UNC5D: variants seen among roughly 807,000 people sequenced by gnomAD.
The protein encoded by UNC5D is unc-5 netrin receptor D.
UNC5D carries 39 observed loss-of-function variants against 105.4 expected under a neutral mutation model. The observed-to-expected ratio is 0.37, with a 90% confidence interval of 0.29 to 0.48. UNC5D has a LOEUF of 0.48. Ranked by LOEUF, UNC5D falls within the 20% of genes least tolerant of loss-of-function variation. The pLI is 0.98. For missense variants in UNC5D, 991 were observed against 1,202.4 expected (o/e 0.82, Z 2.60); for synonymous variants, 452 against 450.4 (o/e 1.00, Z -0.04).
At chr8:35,677,377 G>A (rs983452402) in intron 4 of UNC5D, among the ~76,000 whole-genome samples, 2 of 152,086 alleles carry the variant, frequency 1.3e-5, no homozygotes, top group East Asian at 1.9e-4. Context: ...AGCAGTGCTC[G>A]TGGGGGTCTC....
At chr8:35,396,590 T>C (rs1002648472) in intron 1 of UNC5D, among the ~76,000 whole-genome samples, 1 of 152,016 alleles carries the variant, frequency 6.6e-6, no homozygotes, top group Non-Finnish European at 1.5e-5. Flanking sequence ...CTGTGTCTCC[T>C]GGGTTCAAGT....
At chr8:35,762,501 A>G (rs1040424457) in intron 14 of UNC5D, among the ~76,000 whole-genome samples, 1 of 152,180 alleles carries the variant, frequency 6.6e-6, no homozygotes, top group Non-Finnish European at 1.5e-5. Flanking sequence ...CCACGATGCT[A>G]GTCTCCCCAA....
intron 12 of UNC5D, among the ~76,000 whole-genome samples, chr8:35,749,729 A>G (rs1012653991): frequency 7.2e-5 from 11 of 152,026 alleles, no homozygotes; most frequent in Non-Finnish European, 1.6e-4. Context: ...CTTTGCTTTG[A>G]TTTTTGCCAC....
At chr8:35,497,753 G>A (rs1000814112) in intron 1 of UNC5D, among the ~76,000 whole-genome samples, 2 of 151,954 alleles carry the variant, frequency 1.3e-5, no homozygotes, top group Admixed American at 6.6e-5. Flanking sequence ...GAAGGAAACC[G>A]AGAAAAGGGT....
At chr8:35,270,375 TTCAACCAATGTCCA>T (rs1357110655) in intron 1 of UNC5D, among the ~76,000 whole-genome samples, 3 of 152,188 alleles carry the variant, frequency 2.0e-5, no homozygotes, top group Non-Finnish European at 4.4e-5. Flanking sequence ...GCTGATTTAA[TTCAACCAATGTCCA>T]TCTACTTTTC....
chr8:35,367,055 C>G (rs1802160155), intron 1 of UNC5D, among the ~76,000 whole-genome samples: 1 of 152,166 alleles, frequency 6.6e-6, no homozygotes, highest in African/African-American at 2.4e-5. Flanking sequence ...CTCTTAAAAT[C>G]ATACTAGTAA....
At chr8:35,742,363 A>G (rs185583499) in intron 11 of UNC5D, among the ~76,000 whole-genome samples, 39 of 152,362 alleles carry the variant, frequency 2.6e-4, no homozygotes, top group Admixed American at 9.8e-4. Flanking sequence ...TGAAAAATGA[A>G]TAATAATAGT....
intron 2 of UNC5D, among the ~76,000 whole-genome samples, chr8:35,559,256 A>C (rs1035089125): frequency 2.0e-5 from 3 of 152,116 alleles, no homozygotes; most frequent in African/African-American, 7.2e-5. Flanking sequence ...TTCTACCAAA[A>C]CCTAGTTAGC....
At chr8:35,357,961 A>G (rs566737214) in intron 1 of UNC5D, among the ~76,000 whole-genome samples, 1 of 152,228 alleles carries the variant, frequency 6.6e-6, no homozygotes, top group East Asian at 1.9e-4. Context: ...TAAGATTCCC[A>G]TATGAGTGAC....
At chr8:35,719,442 G>T (rs1828449944) in intron 8 of UNC5D, among the ~76,000 whole-genome samples, 1 of 150,952 alleles carries the variant, frequency 6.6e-6, no homozygotes, top group South Asian at 2.1e-4. Flanking sequence ...AGAAAAGAAA[G>T]AAGAAAGAAG....
At chr8:35,333,312 C>A (rs897704957) in intron 1 of UNC5D, among the ~76,000 whole-genome samples, 2 of 151,968 alleles carry the variant, frequency 1.3e-5, no homozygotes, top group Non-Finnish European at 2.9e-5. Context: ...CAGAGTGAGA[C>A]CCTGTCTCTG....
At chr8:35,407,529 G>C in intron 1 of UNC5D, among the ~76,000 whole-genome samples, 1 of 152,000 alleles carries the variant, frequency 6.6e-6, no homozygotes, top group East Asian at 1.9e-4. Context: ...ATGTATGTAT[G>C]TATGTATGTA....
chr8:35,774,898 G>A (rs1274917922), intron 16 of UNC5D, among the ~76,000 whole-genome samples: 1 of 141,244 alleles, frequency 7.1e-6, no homozygotes, highest in Non-Finnish European at 1.5e-5. Flanking sequence ...CTGCACTCCA[G>A]CATGGGCAAC....
intron 16 of UNC5D, 144 bp from the exon 17 acceptor site, chr8:35,790,215 C>T (rs1802973573): frequency 2.4e-6 from 2 of 831,874 alleles, no homozygotes; most frequent in East Asian, 5.3e-5. Context: ...ATTAGACTGC[C>T]CCAGACCTGC....
At chr8:35,327,976 T>A (rs1441706633) in intron 1 of UNC5D, among the ~76,000 whole-genome samples, 1 of 152,192 alleles carries the variant, frequency 6.6e-6, no homozygotes, top group Admixed American at 6.5e-5. Context: ...TTTTGGCCCA[T>A]GTGATTGGGA....
intron 3 of UNC5D, among the ~76,000 whole-genome samples, chr8:35,584,911 A>T (rs1030801158): frequency 1.3e-5 from 2 of 152,156 alleles, no homozygotes; most frequent in Non-Finnish European, 2.9e-5. Context: ...ATAAATTCTC[A>T]ATTTCTTTTT....
intron 3 of UNC5D, among the ~76,000 whole-genome samples, chr8:35,592,172 C>T (rs1819216012): frequency 6.6e-6 from 1 of 152,174 alleles, no homozygotes; most frequent in Non-Finnish European, 1.5e-5. Flanking sequence ...CAGTTAGTTT[C>T]TTTCCTCATA....
chr8:35,307,842 G>A (rs1808541058), intron 1 of UNC5D, among the ~76,000 whole-genome samples: 1 of 152,054 alleles, frequency 6.6e-6, no homozygotes, highest in Non-Finnish European at 1.5e-5. Context: ...AATGTCAGAA[G>A]CACAACATTG....
At chr8:35,789,687 A>G (rs2131813294) in intron 16 of UNC5D, among the ~76,000 whole-genome samples, 1 of 152,234 alleles carries the variant, frequency 6.6e-6, no homozygotes, top group South Asian at 2.1e-4. Context: ...TAGATTTACA[A>G]TACTATCTAT....
Sources: gnomAD v4.1 joint callset for allele counts (sites outside exome capture counted in the v4.1 genomes callset) on GRCh38, gnomAD v4.1.1 for gene constraint, MANE v1.5 for transcripts, NCBI Gene and HGNC (gene_info 2026-07-23, HGNC 2026-07-21) for gene names.